Variants in PARP8 observed in about 807,000 individuals in gnomAD.
PARP8 encodes the protein poly(ADP-ribose) polymerase family member 8.
In PARP8, 51 loss-of-function variants were observed where a neutral mutation model predicts 124.1. The ratio of observed to expected loss-of-function variants is 0.41; its 90% CI spans 0.33 to 0.52. The LOEUF is 0.52. PARP8 is among the 20% of genes least tolerant of loss of function. PARP8 has a pLI of 0.21. For missense variants in PARP8, 860 were observed against 1,018.9 expected (o/e 0.84, Z 2.12); for synonymous variants, 391 against 361.5 (o/e 1.08, Z -0.93).
intron 7 of PARP8, among the ~76,000 whole-genome samples, 199 bp from the exon 8 acceptor site, chr5:50,777,870 A>G (rs1430188815): frequency 6.6e-6 from 1 of 152,216 alleles, no homozygotes; most frequent in Non-Finnish European, 1.5e-5. Context: ...GACAATAGAA[A>G]GATATCAATG....
intron 2 of PARP8, among the ~76,000 whole-genome samples, chr5:50,695,039 G>A (rs935355825): frequency 2.0e-5 from 3 of 152,166 alleles, no homozygotes; most frequent in Non-Finnish European, 2.9e-5. Context: ...TACCCACCCA[G>A]ACTGACTCGG....
At chr5:50,763,895 C>T (rs1172623774) in intron 7 of PARP8, among the ~76,000 whole-genome samples, 17 of 152,166 alleles carry the variant, frequency 1.1e-4, no homozygotes, top group South Asian at 2.1e-4. Flanking sequence ...GTCTTGAAGT[C>T]TCCATGGAAT....
intron 2 of PARP8, among the ~76,000 whole-genome samples, chr5:50,697,551 C>A (rs1753165376): frequency 1.3e-5 from 2 of 152,218 alleles, no homozygotes; most frequent in African/African-American, 4.8e-5. Flanking sequence ...GCTCTGTCAT[C>A]CAGGCAGGAG....
chr5:50,737,441 G>A (rs1561307758), intron 2 of PARP8, among the ~76,000 whole-genome samples: 1 of 152,134 alleles, frequency 6.6e-6, no homozygotes, highest in Non-Finnish European at 1.5e-5. Flanking sequence ...CTGAATTCTG[G>A]AGTAATCAGT....
intron 3 of PARP8, among the ~76,000 whole-genome samples, chr5:50,752,792 C>T (rs1410195268): frequency 1.2e-4 from 18 of 151,992 alleles, no homozygotes; most frequent in Non-Finnish European, 2.4e-4. Flanking sequence ...ATTAAGTAAT[C>T]ATCTAAGTTT....
chr5:50,835,183 A>C (rs1257806524), intron 25 of PARP8, among the ~76,000 whole-genome samples, 168 bp downstream of exon 25: 2 of 152,210 alleles, frequency 1.3e-5, no homozygotes, highest in African/African-American at 4.8e-5. Context: ...AAAAATCTAA[A>C]TAATTTTTAA....
intron 2 of PARP8, among the ~76,000 whole-genome samples, chr5:50,690,718 T>C (rs1201062810): frequency 6.6e-6 from 1 of 152,200 alleles, no homozygotes; most frequent in Non-Finnish European, 1.5e-5. Flanking sequence ...TTTCTGGAGA[T>C]AGAAACTCAA....
At position 50,824,989 on chromosome 5, in the gene PARP8, G is replaced by C; in HGVS notation, c.1928+14G>C. On this transcript the variant is annotated intron_variant, in intron 18 of 25. Coordinates refer to ENST00000281631, the MANE Select transcript of PARP8 (RefSeq NM_024615.4). The stretch of plus-strand genomic sequence containing the variant: ...CTTACTGCAATGGTATAAAATTCTA[G>C]TTTTCCTCTTAATGAAAACAGCATC... 2.5e-6 allele frequency: 4 copies of C among 1,596,836 alleles called. No homozygotes were observed. Among genetic ancestry groups the C allele is most frequent in the Non-Finnish European group, 3.4e-6 (4 of 1,166,396 alleles).
intron 14 of PARP8, among the ~76,000 whole-genome samples, chr5:50,798,774 T>C (rs1416757176): frequency 6.6e-6 from 1 of 152,198 alleles, no homozygotes; most frequent in Non-Finnish European, 1.5e-5. Context: ...TCTTATGCAC[T>C]TCCCTGATGA....
intron 18 of PARP8, among the ~76,000 whole-genome samples, chr5:50,825,714 G>A (rs1414000933): frequency 3.3e-5 from 5 of 152,020 alleles, no homozygotes; most frequent in Non-Finnish European, 5.9e-5. Flanking sequence ...CTCCAACTCC[G>A]TGAGATTTAC....
intron 14 of PARP8, among the ~76,000 whole-genome samples, chr5:50,805,635 A>G: frequency 6.9e-6 from 1 of 144,020 alleles, no homozygotes; most frequent in African/African-American, 2.8e-5. Context: ...GTTTGAAAAG[A>G]TAAAACACAA....
intron 7 of PARP8, among the ~76,000 whole-genome samples, chr5:50,764,334 G>T (rs1460746018): frequency 6.6e-6 from 1 of 152,026 alleles, no homozygotes; most frequent in Non-Finnish European, 1.5e-5. Context: ...ATAGGCTGCC[G>T]GCTTCCTGAT....
chr5:50,785,243 C>A (rs1029422154), intron 9 of PARP8, among the ~76,000 whole-genome samples: 7 of 152,008 alleles, frequency 4.6e-5, no homozygotes, highest in Admixed American at 1.3e-4. Flanking sequence ...TAAATATTAA[C>A]ACTTTCTAGT....
At chr5:50,832,087 T>G (rs1044296684) in intron 22 of PARP8, among the ~76,000 whole-genome samples, 2 of 152,154 alleles carry the variant, frequency 1.3e-5, no homozygotes, top group African/African-American at 4.8e-5. Flanking sequence ...TTTGCAAAAT[T>G]TGTAAACAGG....
chr5:50,721,270 G>A (rs1178401301), intron 2 of PARP8, among the ~76,000 whole-genome samples: 2 of 151,912 alleles, frequency 1.3e-5, no homozygotes, highest in Non-Finnish European at 2.9e-5. Flanking sequence ...TGCTTCCTCT[G>A]AGAAAACATG....
chr5:50,786,740 C>A (rs1196268061), intron 9 of PARP8, among the ~76,000 whole-genome samples: 1 of 152,056 alleles, frequency 6.6e-6, no homozygotes, highest in Admixed American at 6.6e-5. Context: ...CATTCCTCCC[C>A]AGCCTTCTTT....
intron 10 of PARP8, among the ~76,000 whole-genome samples, chr5:50,790,478 A>AT (rs1381621521): frequency 6.6e-6 from 1 of 151,470 alleles, no homozygotes; most frequent in African/African-American, 2.4e-5. Flanking sequence ...TTATACTATG[A>AT]TTTTTTTTCC....
At position 50,845,660 on chromosome 5, in the gene PARP8, T is replaced by A. The variant is rs574394165; in HGVS notation, c.*3592T>A. 1 of 151,790 alleles carries A rather than the reference T, an allele frequency of 6.6e-6. No individual in the cohort carries two copies. The highest frequency in any genetic ancestry group is 6.6e-5 in the Admixed American group (1 of 15,184). The allele number at this position is 151,790 out of a possible 1,614,324, so 9.4% of individuals were successfully genotyped here. A position where few individuals can be genotyped will look rare whatever the true frequency, so the allele number is the denominator to read the frequency against. On this transcript the variant is annotated 3_prime_UTR_variant, in exon 26 of 26. Coordinates refer to ENST00000281631, the MANE Select transcript of PARP8 (RefSeq NM_024615.4). Reference sequence around the variant, plus strand: ...TGGATATTTCAGTCACTGGTAACAATGTCAGGGTTAACACCCAATGAATTA... The same window carrying A: ...TGGATATTTCAGTCACTGGTAACAAAGTCAGGGTTAACACCCAATGAATTA...
intron 2 of PARP8, among the ~76,000 whole-genome samples, chr5:50,675,295 AT>A (rs113563054): frequency 2.6e-5 from 4 of 152,186 alleles, no homozygotes; most frequent in African/African-American, 9.6e-5. Flanking sequence ...TGTTTTCATC[AT>A]TGTTTTATTG....
Sources: gnomAD v4.1 joint callset for allele counts (sites outside exome capture counted in the v4.1 genomes callset) on GRCh38, gnomAD v4.1.1 for gene constraint, MANE v1.5 for transcripts, NCBI Gene and HGNC (gene_info 2026-07-23, HGNC 2026-07-21) for gene names.